FLT1: variants seen among roughly 807,000 people sequenced by gnomAD.
FLT1 encodes vascular endothelial growth factor receptor 1.
A neutral mutation model predicts 156.3 loss-of-function variants in FLT1; 49 were observed. That is an observed-to-expected ratio of 0.31 (90% CI 0.25 to 0.40). The LOEUF (loss-of-function observed/expected upper bound fraction) is 0.40. Among genes scored for constraint, FLT1 ranks in the 10% least tolerant of loss-of-function variants. FLT1 has a pLI of 1.00. For missense variants in FLT1, 1,322 were observed against 1,637.2 expected (o/e 0.81, Z 3.32); for synonymous variants, 594 against 583.8 (o/e 1.02, Z -0.25).
At chr13:28,423,818 A>T (rs75169921) in intron 10 of FLT1, among the ~76,000 whole-genome samples, 1 of 152,348 alleles carries the variant, frequency 6.6e-6, no homozygotes, top group East Asian at 1.9e-4. Flanking sequence ...AGGAATATCT[A>T]TTTAGAAGTC....
rs1221932186 is a variant in FLT1 at position 28,302,199 on chromosome 13, C to T, written c.*968G>A. The T allele has an allele frequency of 1.3e-5, 3 of 233,094 alleles. No individual in the cohort carries two copies. Among genetic ancestry groups the T allele is most frequent in the Non-Finnish European group, 2.5e-5 (3 of 118,034 alleles). 14.4% of individuals were successfully genotyped at this position (233,094 alleles called of 1,614,324 possible). Reference sequence around the variant, plus strand: ...TTCTTTCACAACTAACTGTGCAAAACAGAATAATACCAAGAAATTGAGTTA... The same window carrying T: ...TTCTTTCACAACTAACTGTGCAAAATAGAATAATACCAAGAAATTGAGTTA... On this transcript the variant is annotated 3_prime_UTR_variant, in exon 30 of 30. Transcript: ENST00000282397.
At chr13:28,367,162 T>G (rs150531999) in intron 14 of FLT1, among the ~76,000 whole-genome samples, 65 of 152,314 alleles carry the variant, frequency 4.3e-4, no homozygotes, top group African/African-American at 1.5e-3. Context: ...ACCTCAGAAT[T>G]TATAAAATTC....
intron 3 of FLT1, among the ~76,000 whole-genome samples, chr13:28,462,866 C>G (rs1879662372): frequency 6.6e-6 from 1 of 152,194 alleles, no homozygotes; most frequent in South Asian, 2.1e-4. Flanking sequence ...ACAGAGCAGG[C>G]CCCTATCTGG....
intron 13 of FLT1, among the ~76,000 whole-genome samples, 159 bp from the exon 14 acceptor site, chr13:28,385,190 C>T (rs1161790225): frequency 6.6e-6 from 1 of 152,198 alleles, no homozygotes; most frequent in Admixed American, 6.5e-5. Context: ...CCTGCTGCTT[C>T]TACTTTAATA....
intron 19 of FLT1, among the ~76,000 whole-genome samples, chr13:28,327,756 C>CAAAAAAAAAAAAAAA (rs56031277): frequency 1.5e-4 from 18 of 122,790 alleles, no homozygotes; most frequent in African/African-American, 5.0e-4. Context: ...AATTGAAATA[C>CAAAAAAAAAAAAAAA]AAAAAAAAAA....
chr13:28,489,792 T>G (rs528410639), intron 1 of FLT1, among the ~76,000 whole-genome samples: 1 of 152,180 alleles, frequency 6.6e-6, no homozygotes, highest in Non-Finnish European at 1.5e-5. Context: ...GCCACAAGTA[T>G]GTAAGCCACA....
intron 25 of FLT1, among the ~76,000 whole-genome samples, chr13:28,315,904 A>T (rs1270814786): frequency 6.6e-6 from 1 of 152,184 alleles, no homozygotes; most frequent in Non-Finnish European, 1.5e-5. Context: ...CAGACGGCAC[A>T]TTGCTTCAGT....
chr13:28,309,029 C>T (rs1870873360), intron 27 of FLT1, 102 bp from the exon 28 acceptor site: 1 of 727,814 alleles, frequency 1.4e-6, no homozygotes, highest in Non-Finnish European at 2.5e-6. Context: ...TGAACCAACA[C>T]ACCAACAGGA....
intron 14 of FLT1, among the ~76,000 whole-genome samples, chr13:28,370,135 G>A (rs1202922014): frequency 6.6e-6 from 1 of 151,996 alleles, no homozygotes; most frequent in Non-Finnish European, 1.5e-5. Context: ...AGTGAGCCAT[G>A]GTGACGCCAC....
At chr13:28,353,916 C>G (rs906505242) in intron 15 of FLT1, among the ~76,000 whole-genome samples, 1 of 152,118 alleles carries the variant, frequency 6.6e-6, no homozygotes, top group African/African-American at 2.4e-5. Flanking sequence ...TATAAGAATC[C>G]TTTTTCAAAG....
intron 20 of FLT1, among the ~76,000 whole-genome samples, chr13:28,324,164 C>T (rs1871585361): frequency 6.6e-6 from 1 of 152,126 alleles, no homozygotes; most frequent in South Asian, 2.1e-4. Context: ...CATCTAGTAA[C>T]TATGACACTC....
At chr13:28,426,277 T>C (rs1460489700) in intron 10 of FLT1, among the ~76,000 whole-genome samples, 2 of 152,290 alleles carry the variant, frequency 1.3e-5, no homozygotes, top group South Asian at 2.1e-4. Flanking sequence ...TCTATTCCTG[T>C]TCTTCAAATT....
intron 29 of FLT1, 93 bp downstream of exon 29, chr13:28,306,585 G>C: frequency 1.1e-6 from 1 of 903,108 alleles, no homozygotes; most frequent in Non-Finnish European, 1.8e-6. Flanking sequence ...AGGGCAAGTA[G>C]TCCTCAAACA....
chr13:28,307,327 C>A (rs7319213), intron 28 of FLT1, among the ~76,000 whole-genome samples: 1 of 152,162 alleles, frequency 6.6e-6, no homozygotes, highest in South Asian at 2.1e-4. Context: ...GCATGTTCCA[C>A]TAAGTGGATC....
chr13:28,371,826 C>T (rs1216295103), intron 14 of FLT1, among the ~76,000 whole-genome samples: 1 of 151,826 alleles, frequency 6.6e-6, no homozygotes, highest in Non-Finnish European at 1.5e-5. Flanking sequence ...TCTGAGGTGT[C>T]AGGCATCCTC....
At chr13:28,411,969 A>G (rs1348527278) in intron 10 of FLT1, among the ~76,000 whole-genome samples, 1 of 152,226 alleles carries the variant, frequency 6.6e-6, no homozygotes, top group Non-Finnish European at 1.5e-5. Flanking sequence ...ATGAGATTGT[A>G]CTGCACGTGC....
At chr13:28,416,118 C>T (rs1252938771) in intron 10 of FLT1, among the ~76,000 whole-genome samples, 11 of 152,208 alleles carry the variant, frequency 7.2e-5, no homozygotes, top group Admixed American at 7.2e-4. Context: ...ATTTAACTTC[C>T]TCAAACAACC....
chr13:28,494,585 G>T (rs1384979552), intron 1 of FLT1, among the ~76,000 whole-genome samples, 195 bp downstream of exon 1: 1 of 152,104 alleles, frequency 6.6e-6, no homozygotes, highest in South Asian at 2.1e-4. Flanking sequence ...ACTCCTCGAG[G>T]CGCTCCCTCG....
At chr13:28,343,090 T>C (rs1872407035) in intron 16 of FLT1, among the ~76,000 whole-genome samples, 1 of 152,186 alleles carries the variant, frequency 6.6e-6, no homozygotes, top group Admixed American at 6.5e-5. Context: ...GTGATTCTCC[T>C]GCTTCAGCCT....
Sources: allele counts gnomAD v4.1 joint callset (sites outside exome capture counted in the v4.1 genomes callset), GRCh38; gene constraint gnomAD v4.1.1; transcripts MANE v1.5; gene names NCBI Gene and HGNC (gene_info 2026-07-23, HGNC 2026-07-21).